The following LPGAT1 variants were observed in gnomAD, a reference collection of about 807,000 sequenced individuals.
LPGAT1 encodes acyl-CoA:lysophosphatidylglycerol acyltransferase 1.
In LPGAT1, 11 loss-of-function variants were observed where a neutral mutation model predicts 47.5. That is an observed-to-expected ratio of 0.23 (90% CI 0.15 to 0.38). The LOEUF (loss-of-function observed/expected upper bound fraction) is 0.38, where lower values mean the gene tolerates loss of function less well. Among genes scored for constraint, LPGAT1 ranks in the 10% least tolerant of loss-of-function variants. LPGAT1 has a pLI of 1.00. For synonymous variants in LPGAT1, 138 were observed against 144.2 expected (o/e 0.96, Z 0.31); for missense variants, 293 against 439.0 (o/e 0.67, Z 2.97).
chr1:211,781,018 T>C (rs1001552411), intron 5 of LPGAT1, among the ~76,000 whole-genome samples: 9 of 152,202 alleles, frequency 5.9e-5, no homozygotes, highest in African/African-American at 1.4e-4. Flanking sequence ...TTGGTATATA[T>C]GTATGCATCA....
chr1:211,787,641 AAAG>A lies in LPGAT1; in HGVS notation c.441_443del (p.Phe148del). The A allele has an allele frequency of 6.3e-7, 1 of 1,581,430 alleles. No homozygotes were observed. The highest frequency in any genetic ancestry group is 8.7e-7 in the Non-Finnish European group (1 of 1,153,674). The stretch of plus-strand genomic sequence containing the variant: ...AGTGCTCATTACTTACCTGTCTTAT[AAAG>A]AAGTCTCCATGAACTAGAGAAACAA... On this transcript the variant is annotated inframe_deletion, in exon 4 of 8. Coordinates refer to ENST00000366997, the MANE Select transcript of LPGAT1 (RefSeq NM_014873.3).
At position 211,830,471 on chromosome 1, in the gene LPGAT1, C is replaced by T. The variant is rs1206699462; in HGVS notation, c.-28+102G>A. ...CGTCCCTCAGGCCGCTGCCGCCTCC[C>T]CGGGCCACGCGACGACGACACCCCC... On this transcript the variant is annotated intron_variant, in intron 1 of 7. Coordinates refer to ENST00000366997, the MANE Select transcript of LPGAT1 (RefSeq NM_014873.3). The surrounding 1 kb of genome is among the most constrained non-coding windows in gnomAD (Gnocchi z 5.9). 9 of 1,184,858 alleles carry T rather than the reference C, an allele frequency of 7.6e-6. No homozygotes were observed. Among genetic ancestry groups the T allele is most frequent in the Non-Finnish European group, 9.4e-6 (9 of 955,796 alleles). The allele number at this position is 1,184,858 out of a possible 1,614,324, so 73.4% of individuals were successfully genotyped here.
chr1:211,829,517 C>G, intron 1 of LPGAT1, 194 bp from the exon 2 acceptor site: 1 of 1,422,144 alleles, frequency 7.0e-7, no homozygotes, highest in Non-Finnish European at 9.2e-7. Context: ...CGCACAAGGT[C>G]AAGGGAGCTG....
chr1:211,774,924 C>T (rs923123604), intron 6 of LPGAT1, among the ~76,000 whole-genome samples: 1 of 152,174 alleles, frequency 6.6e-6, no homozygotes, highest in Non-Finnish European at 1.5e-5. Flanking sequence ...TTCTGCTCCA[C>T]ATTCTGGCAA....
chr1:211,822,537 G>A (rs1268954558), intron 2 of LPGAT1, among the ~76,000 whole-genome samples: 1 of 152,118 alleles, frequency 6.6e-6, no homozygotes, highest in Admixed American at 6.5e-5. Flanking sequence ...AGCACTTTGG[G>A]AGGCTGAGGC....
intron 6 of LPGAT1, among the ~76,000 whole-genome samples, chr1:211,763,778 A>T (rs1000537423): frequency 3.3e-5 from 5 of 152,162 alleles, no homozygotes; most frequent in Non-Finnish European, 7.3e-5. Flanking sequence ...TTTAAAATTT[A>T]TTTGTTGGTT....
In LPGAT1 at chr1:211,798,508, G is replaced by C. The variant is rs183963635; in HGVS notation, c.239-5318C>G. 1.0e-3 allele frequency among the ~76,000 whole-genome samples: 154 copies of C among 152,170 alleles called. 3 individuals carry two copies. The highest frequency in any genetic ancestry group is 2.3e-3 in the Admixed American group (35 of 15,280). On this transcript the variant is annotated intron_variant, in intron 2 of 7. Coordinates refer to ENST00000366997, the MANE Select transcript of LPGAT1 (RefSeq NM_014873.3). ...AGGACCAGTCTGGGCAACAAAGTGA[G>C]ATCTGTCTCTATAAAAAAATTTAAA...
intron 2 of LPGAT1, among the ~76,000 whole-genome samples, chr1:211,800,312 T>C (rs1204668774): frequency 6.6e-6 from 1 of 151,916 alleles, no homozygotes; most frequent in African/African-American, 2.4e-5. Flanking sequence ...TGAGCCACCA[T>C]GCCTGGCCCT....
chr1:211,759,560 G>A (rs553147304), intron 6 of LPGAT1, among the ~76,000 whole-genome samples: 1 of 152,082 alleles, frequency 6.6e-6, no homozygotes, highest in Non-Finnish European at 1.5e-5. Flanking sequence ...ACTGTAATTG[G>A]ATTTAATTTG....
chr1:211,765,605 AC>A (rs1657876798), intron 6 of LPGAT1, among the ~76,000 whole-genome samples: 1 of 152,212 alleles, frequency 6.6e-6, no homozygotes, highest in Non-Finnish European at 1.5e-5. Flanking sequence ...AGTGAAAAAG[AC>A]ATGGTAAACC....
At chr1:211,813,702 A>T (rs1374903736) in intron 2 of LPGAT1, among the ~76,000 whole-genome samples, 1 of 152,254 alleles carries the variant, frequency 6.6e-6, no homozygotes, top group Non-Finnish European at 1.5e-5. Context: ...GTTCAAAGTT[A>T]GTGTTCTCTT....
chr1:211,786,000 G>C (rs1658863802), intron 4 of LPGAT1, among the ~76,000 whole-genome samples: 1 of 152,146 alleles, frequency 6.6e-6, no homozygotes, highest in Non-Finnish European at 1.5e-5. Flanking sequence ...GAGGTAAGGT[G>C]CTCAGCTAGC....
At chr1:211,755,040 CAAAAAAA>C (rs11390656) in intron 6 of LPGAT1, among the ~76,000 whole-genome samples, 1 of 74,542 alleles carries the variant, frequency 1.3e-5, no homozygotes, top group South Asian at 4.5e-4. Context: ...ACTCCGTCTC[CAAAAAAA>C]AAAAAAAAAG....
chr1:211,830,719 C>T lies in LPGAT1; in HGVS notation c.-174G>A, dbSNP rs1660711000. On this transcript the variant is annotated 5_prime_UTR_variant, in exon 1 of 8. Coordinates refer to ENST00000366997, the MANE Select transcript of LPGAT1 (RefSeq NM_014873.3). The surrounding 1 kb of genome is among the most constrained non-coding windows in gnomAD (Gnocchi z 5.9). Reference sequence around the variant, plus strand: ...GCGGCCCGCGCCCGTTCCCCGGCGGCGCCGAGACTCGGTCCCCAAGGGCCC... The same window carrying T: ...GCGGCCCGCGCCCGTTCCCCGGCGGTGCCGAGACTCGGTCCCCAAGGGCCC... 1.7e-6 allele frequency: 2 copies of T among 1,180,184 alleles called. No individual in the cohort carries two copies. Among genetic ancestry groups the T allele is most frequent in the South Asian group, 4.3e-5 (1 of 23,482 alleles). The allele number at this position is 1,180,184 out of a possible 1,614,324, so 73.1% of individuals were successfully genotyped here. A position where few individuals can be genotyped will look rare whatever the true frequency, so the allele number is the denominator to read the frequency against.
At chr1:211,758,430 T>C (rs565628360) in intron 6 of LPGAT1, among the ~76,000 whole-genome samples, 12 of 152,180 alleles carry the variant, frequency 7.9e-5, no homozygotes, top group East Asian at 1.9e-4. Flanking sequence ...GGGCCGGGCA[T>C]TGTGGCTCAC....
intron 1 of LPGAT1, chr1:211,829,926 G>A: frequency 3.0e-6 from 3 of 985,322 alleles, no homozygotes; most frequent in Non-Finnish European, 3.6e-6. Flanking sequence ...AAGGTGAGAG[G>A]AAGAAAGTAG....
intron 2 of LPGAT1, among the ~76,000 whole-genome samples, chr1:211,808,063 C>T (rs1249277475): frequency 6.6e-6 from 1 of 151,796 alleles, no homozygotes; most frequent in African/African-American, 2.4e-5. Context: ...GGTTTATATC[C>T]CAAGTATATA....
At chr1:211,815,578 T>C (rs956394913) in intron 2 of LPGAT1, among the ~76,000 whole-genome samples, 4 of 152,112 alleles carry the variant, frequency 2.6e-5, no homozygotes, top group African/African-American at 9.7e-5. Context: ...GGGAATCTGA[T>C]TTCATCATTC....
chr1:211,819,281 C>T (rs1468061755), intron 2 of LPGAT1, among the ~76,000 whole-genome samples: 2 of 152,036 alleles, frequency 1.3e-5, no homozygotes, highest in East Asian at 1.9e-4. Context: ...CTGCCTGAGG[C>T]CAGGAGTTTG....
Sources: gnomAD v4.1 joint callset for allele counts (sites outside exome capture counted in the v4.1 genomes callset) on GRCh38, gnomAD v4.1.1 for gene constraint, Gnocchi (gnomAD v3.1) non-coding constraint, MANE v1.5 for transcripts, NCBI Gene and HGNC (gene_info 2026-07-23, HGNC 2026-07-21) for gene names.